The following DENND1A variants were observed in gnomAD, a reference collection of about 807,000 sequenced individuals.
DENND1A encodes the protein DENN domain-containing protein 1A.
In DENND1A, 51 loss-of-function variants were observed where a neutral mutation model predicts 113.7. That is an observed-to-expected ratio of 0.45 (90% confidence interval 0.36 to 0.57). The LOEUF is 0.57. Among genes scored for constraint, DENND1A ranks in the 20% least tolerant of loss-of-function variants. DENND1A has a pLI of 0.00. For missense variants in DENND1A, 1,258 were observed against 1,395.9 expected, an observed-to-expected ratio of 0.90 and a Z score of 1.57; for synonymous variants, 565 against 570.8, an observed-to-expected ratio of 0.99 and a Z score of 0.14.
intron 2 of DENND1A, among the ~76,000 whole-genome samples, chr9:123,810,972 T>C (rs1471100902): frequency 6.6e-6 from 1 of 151,822 alleles, no homozygotes; most frequent in Non-Finnish European, 1.5e-5. Flanking sequence ...TTGGCCAGGC[T>C]GGTCTTGATC....
chr9:123,468,874 T>C (rs1207441135), intron 13 of DENND1A, among the ~76,000 whole-genome samples: 3 of 152,214 alleles, frequency 2.0e-5, no homozygotes, highest in East Asian at 1.9e-4. Flanking sequence ...CCTGCATCCT[T>C]CACTCACCAA....
At chr9:123,743,993 C>T (rs1249212614) in intron 5 of DENND1A, among the ~76,000 whole-genome samples, 1 of 151,960 alleles carries the variant, frequency 6.6e-6, no homozygotes, top group African/African-American at 2.4e-5. Context: ...ATTTTGGTAG[C>T]TAAAGTACTG....
At chr9:123,678,093 T>C (rs1434446700) in intron 5 of DENND1A, among the ~76,000 whole-genome samples, 2 of 152,180 alleles carry the variant, frequency 1.3e-5, no homozygotes, top group African/African-American at 4.8e-5. Flanking sequence ...CTCTCTTTTC[T>C]GTGCTGCCCT....
chr9:123,668,662 T>C (rs1459523586), intron 7 of DENND1A, among the ~76,000 whole-genome samples: 1 of 152,014 alleles, frequency 6.6e-6, no homozygotes, highest in African/African-American at 2.4e-5. Flanking sequence ...TTATGGCAAA[T>C]GACAGCTAAA....
At chr9:123,808,252 A>G (rs564879880) in intron 2 of DENND1A, among the ~76,000 whole-genome samples, 24 of 152,048 alleles carry the variant, frequency 1.6e-4, no homozygotes, top group African/African-American at 5.3e-4. Flanking sequence ...CAAAAAAAAC[A>G]CCAAAAAACC....
chr9:123,896,802 C>T (rs1850828329), intron 1 of DENND1A, among the ~76,000 whole-genome samples: 1 of 151,882 alleles, frequency 6.6e-6, no homozygotes, highest in Admixed American at 6.6e-5. Context: ...AGAAATGATA[C>T]AAAATAGAGT....
intron 13 of DENND1A, among the ~76,000 whole-genome samples, chr9:123,513,569 G>A (rs892192600): frequency 7.9e-5 from 12 of 152,206 alleles, no homozygotes; most frequent in Non-Finnish European, 1.5e-4. Context: ...GGGAAGAGCC[G>A]CTGGGTGTCA....
intron 12 of DENND1A, among the ~76,000 whole-genome samples, chr9:123,559,798 A>T (rs2057632876): frequency 6.6e-6 from 1 of 152,186 alleles, no homozygotes; most frequent in Admixed American, 6.5e-5. Flanking sequence ...CCCCCGAAAG[A>T]AACCTCATAC....
intron 12 of DENND1A, among the ~76,000 whole-genome samples, chr9:123,557,976 A>G (rs750972887): frequency 6.7e-6 from 1 of 149,550 alleles, no homozygotes; most frequent in Non-Finnish European, 1.5e-5. Flanking sequence ...TGGGCGACAG[A>G]GAGAAACTCA....
At chr9:123,524,902 G>C (rs1271380335) in intron 13 of DENND1A, among the ~76,000 whole-genome samples, 1 of 152,212 alleles carries the variant, frequency 6.6e-6, no homozygotes, top group East Asian at 1.9e-4. Context: ...GAGATGGGAA[G>C]AATTTCAACC....
intron 12 of DENND1A, among the ~76,000 whole-genome samples, chr9:123,578,488 T>C (rs906504364): frequency 7.2e-5 from 11 of 152,240 alleles, no homozygotes; most frequent in Non-Finnish European, 1.3e-4. Flanking sequence ...CAAGCAATTC[T>C]TCTGCCTCAG....
chr9:123,416,574 GCTT>G (rs528916373), intron 19 of DENND1A, among the ~76,000 whole-genome samples: 65 of 152,358 alleles, frequency 4.3e-4, no homozygotes, highest in Non-Finnish European at 5.9e-4. Flanking sequence ...ACAGACTGCT[GCTT>G]CTTAAGTCAG....
intron 5 of DENND1A, among the ~76,000 whole-genome samples, chr9:123,697,002 C>A: frequency 6.6e-6 from 1 of 152,178 alleles, no homozygotes; most frequent in Non-Finnish European, 1.5e-5. Flanking sequence ...TGCCACTGTG[C>A]CGGTTAAATT....
intron 5 of DENND1A, among the ~76,000 whole-genome samples, chr9:123,689,182 G>C (rs2065011444): frequency 6.6e-6 from 1 of 152,040 alleles, no homozygotes; most frequent in Non-Finnish European, 1.5e-5. Context: ...ATGCCACCAT[G>C]CCCGGCTAAA....
intron 2 of DENND1A, among the ~76,000 whole-genome samples, chr9:123,864,788 C>A (rs1845590521): frequency 6.6e-6 from 1 of 152,046 alleles, no homozygotes; most frequent in Admixed American, 6.6e-5. Flanking sequence ...TATTTATCAA[C>A]AATAAAACTG....
At chr9:123,911,827 A>G (rs1161513282) in intron 1 of DENND1A, among the ~76,000 whole-genome samples, 1 of 151,802 alleles carries the variant, frequency 6.6e-6, no homozygotes, top group Admixed American at 6.6e-5. Flanking sequence ...AGTTGCTGGG[A>G]CTACAGGTGC....
chr9:123,453,028 G>A (rs74478289), intron 16 of DENND1A, among the ~76,000 whole-genome samples: 3,317 of 152,320 alleles, frequency 0.022, 115 homozygotes, highest in African/African-American at 0.073. Flanking sequence ...AGGAGGGAAG[G>A]CCTTCCCGCT....
chr9:123,678,430 C>T (rs1452750554), intron 5 of DENND1A, among the ~76,000 whole-genome samples: 2 of 152,136 alleles, frequency 1.3e-5, no homozygotes, highest in Non-Finnish European at 2.9e-5. Flanking sequence ...TAACAGCAAG[C>T]GAGAAGAAGG....
At chr9:123,766,790 C>A (rs1390874425) in intron 4 of DENND1A, among the ~76,000 whole-genome samples, 1 of 152,182 alleles carries the variant, frequency 6.6e-6, no homozygotes, top group Non-Finnish European at 1.5e-5. Context: ...AAGCTACTGG[C>A]TTTATTATTT....
Sources: allele counts gnomAD v4.1 joint callset (sites outside exome capture counted in the v4.1 genomes callset), GRCh38; gene constraint gnomAD v4.1.1; transcripts MANE v1.5; gene names NCBI Gene and HGNC (gene_info 2026-07-23, HGNC 2026-07-21).